The following ADGRL3 variants were observed in gnomAD, a reference collection of about 807,000 sequenced individuals.
ADGRL3 encodes calcium-independent alpha-latrotoxin receptor 3.
ADGRL3 carries 62 observed loss-of-function variants against 153.5 expected under a neutral mutation model. That is an observed-to-expected ratio of 0.40 (90% CI 0.33 to 0.50). The LOEUF is 0.50. Ranked by LOEUF, ADGRL3 falls within the 20% of genes least tolerant of loss-of-function variation. The pLI is 0.47. For missense variants in ADGRL3, 1,641 were observed against 1,859.4 expected (o/e 0.88, Z 2.16); for synonymous variants, 710 against 672.5 (o/e 1.06, Z -0.86).
intron 22 of ADGRL3, among the ~76,000 whole-genome samples, chr4:62,029,222 GTTGT>G (rs1248942522): frequency 1.3e-5 from 2 of 151,482 alleles, no homozygotes; most frequent in South Asian, 2.1e-4. Context: ...CCGCTTTTCT[GTTGT>G]TTGTTTGGGC....
At chr4:61,692,772 T>G (rs1342324005) in intron 6 of ADGRL3, among the ~76,000 whole-genome samples, 1 of 152,138 alleles carries the variant, frequency 6.6e-6, no homozygotes, top group East Asian at 1.9e-4. Context: ...TGTTAATACT[T>G]CTTTAAATTT....
At position 61,474,815 on chromosome 4, in the gene ADGRL3, A is replaced by G. The variant is rs554811682; in HGVS notation, c.-173-22306A>G. Among the ~76,000 whole-genome samples the G allele has an allele frequency of 2.0e-5, 3 of 152,278 alleles. No individual in the cohort carries two copies. The East Asian group carries it at 5.8e-4, about 29-fold the overall frequency. On this transcript the variant is annotated intron_variant, in intron 2 of 26. Transcript: ENST00000683033. ...AAGCATAAATATAGTTCATTTGAGC[A>G]CTATTATATTTTACCTATCTATCCA...
chr4:61,665,813 A>G (rs2094773313), intron 5 of ADGRL3, among the ~76,000 whole-genome samples: 2 of 152,194 alleles, frequency 1.3e-5, no homozygotes, highest in Admixed American at 1.3e-4. Context: ...CTCTAAAGTC[A>G]TGGCCTGACT....
At chr4:61,769,732 G>A (rs1010188675) in intron 8 of ADGRL3, among the ~76,000 whole-genome samples, 3 of 151,670 alleles carry the variant, frequency 2.0e-5, no homozygotes, top group Non-Finnish European at 4.4e-5. Flanking sequence ...TTCTCTGGCG[G>A]GTAGGAGTGG....
chr4:61,280,862 A>C (rs2149986501), intron 1 of ADGRL3, among the ~76,000 whole-genome samples: 1 of 152,284 alleles, frequency 6.6e-6, no homozygotes, highest in East Asian at 1.9e-4. Flanking sequence ...CTATTGATAC[A>C]AAATTTACAC....
chr4:61,366,545 G>A (rs1466877026), intron 1 of ADGRL3, among the ~76,000 whole-genome samples: 1 of 152,120 alleles, frequency 6.6e-6, no homozygotes, highest in East Asian at 1.9e-4. Context: ...TTAGTATATA[G>A]CTCATGCTTT....
chr4:61,722,259 A>G (rs905378263), intron 6 of ADGRL3, among the ~76,000 whole-genome samples: 1 of 152,210 alleles, frequency 6.6e-6, no homozygotes, highest in Non-Finnish European at 1.5e-5. Flanking sequence ...AAGTTAGTTT[A>G]TTTCTGATAG....
chr4:61,283,968 A>G (rs2093823907), intron 1 of ADGRL3, among the ~76,000 whole-genome samples: 1 of 151,984 alleles, frequency 6.6e-6, no homozygotes, highest in African/African-American at 2.4e-5. Flanking sequence ...TTGTATAACT[A>G]TGTAACGATA....
At chr4:61,415,869 G>A (rs2097139047) in intron 2 of ADGRL3, among the ~76,000 whole-genome samples, 1 of 151,956 alleles carries the variant, frequency 6.6e-6, no homozygotes, top group African/African-American at 2.4e-5. Context: ...AAAGTAGGGA[G>A]CCTAGATGAT....
chr4:62,024,971 A>T (rs965172382), intron 21 of ADGRL3, among the ~76,000 whole-genome samples: 7 of 149,628 alleles, frequency 4.7e-5, no homozygotes, highest in Admixed American at 2.7e-4. Flanking sequence ...TTTTATTTTT[A>T]TTCTTCCTAT....
At position 61,996,274 on chromosome 4, in the gene ADGRL3, C is replaced by T; in HGVS notation, c.3237-17C>T. ...CCCAGTCCTTGAATACCTTCTCTCC[C>T]TTGTGTTTCATTGCAGATGTTGGCT... On this transcript the variant is annotated splice_polypyrimidine_tract_variant and intron_variant, in intron 19 of 26. Coordinates refer to ENST00000683033, the MANE Select transcript of ADGRL3 (RefSeq NM_001387552.1). 1 of 1,596,938 alleles carries T rather than the reference C, an allele frequency of 6.3e-7. No individual in the cohort carries two copies. The highest frequency in any genetic ancestry group is 8.6e-7 in the Non-Finnish European group (1 of 1,164,650).
chr4:61,986,940 A>C (rs1037359826), intron 19 of ADGRL3, among the ~76,000 whole-genome samples: 3 of 152,156 alleles, frequency 2.0e-5, no homozygotes, highest in Admixed American at 6.5e-5. Context: ...TTACTTGAGA[A>C]GTTGAAGTGA....
intron 9 of ADGRL3, among the ~76,000 whole-genome samples, chr4:61,822,770 TA>T (rs2097767475): frequency 6.6e-6 from 1 of 152,164 alleles, no homozygotes; most frequent in Admixed American, 6.6e-5. Context: ...TGGTGGTCTC[TA>T]AAGGAGCCAA....
intron 5 of ADGRL3, among the ~76,000 whole-genome samples, chr4:61,669,443 T>C (rs2094917568): frequency 6.6e-6 from 1 of 152,198 alleles, no homozygotes; most frequent in South Asian, 2.1e-4. Context: ...TATGCATCTA[T>C]TTATGTTTTC....
chr4:61,710,969 C>T (rs754864132), intron 6 of ADGRL3, among the ~76,000 whole-genome samples: 1 of 152,092 alleles, frequency 6.6e-6, no homozygotes, highest in Non-Finnish European at 1.5e-5. Context: ...CATTATAGTT[C>T]TCAGCTGTAT....
intron 4 of ADGRL3, among the ~76,000 whole-genome samples, chr4:61,573,293 C>T (rs1257202700): frequency 6.6e-6 from 1 of 151,782 alleles, no homozygotes; most frequent in Non-Finnish European, 1.5e-5. Flanking sequence ...TATGAAGTCG[C>T]CAAATTGAAT....
At chr4:62,040,709 C>A (rs137943993) in intron 24 of ADGRL3, among the ~76,000 whole-genome samples, 1,531 of 152,024 alleles carry the variant, frequency 0.01, 34 homozygotes, top group African/African-American at 0.035. Context: ...TTTATTCTAG[C>A]GTTGGGAGAC....
chr4:61,977,425 C>G (rs1174106860), intron 17 of ADGRL3, among the ~76,000 whole-genome samples: 1 of 152,138 alleles, frequency 6.6e-6, no homozygotes, highest in East Asian at 1.9e-4. Flanking sequence ...CTCTCAAACA[C>G]TAAAAGTAAT....
At chr4:61,246,137 A>T (rs1017405532) in intron 1 of ADGRL3, among the ~76,000 whole-genome samples, 4 of 152,006 alleles carry the variant, frequency 2.6e-5, no homozygotes, top group Admixed American at 6.6e-5. Context: ...CATTTTTGTC[A>T]GCCACTTGCC....
Sources: allele counts gnomAD v4.1 joint callset (sites outside exome capture counted in the v4.1 genomes callset), GRCh38; gene constraint gnomAD v4.1.1; transcripts MANE v1.5; gene names NCBI Gene and HGNC (gene_info 2026-07-23, HGNC 2026-07-21).